Variants in WDR27 observed in about 807,000 individuals in gnomAD.
WDR27 encodes WD repeat-containing protein 27.
Under a neutral mutation model 114.4 loss-of-function variants are expected in WDR27, and 100 were observed. The observed-to-expected ratio is 0.87, with a 90% CI of 0.74 to 1.03. The LOEUF is 1.03. Among genes scored for constraint, WDR27 ranks in the 50% least tolerant of loss-of-function variants. WDR27 has a pLI of 0.00. For missense variants in WDR27, 1,129 were observed against 1,092.9 expected, an observed-to-expected ratio of 1.03 and a Z score of -0.47; for synonymous variants, 449 against 423.1, an observed-to-expected ratio of 1.06 and a Z score of -0.75.
downstream of WDR27, among the ~76,000 whole-genome samples, chr6:169,455,545 G>A (rs1435507796): frequency 6.6e-6 from 1 of 152,212 alleles, no homozygotes; most frequent in Non-Finnish European, 1.5e-5. Flanking sequence ...TAGAAAGGCA[G>A]ATCTCTAAGG....
Position 169,481,862 on chromosome 6 carries a change from T to C in WDR27, c.2646-24228A>G, listed in dbSNP as rs990521073. On this transcript the variant is annotated intron_variant, in intron 25 of 25. Coordinates refer to ENST00000448612, the MANE Select transcript of WDR27 (RefSeq NM_182552.5). Reference sequence around the variant, plus strand: ...GAAGGAAGAAACTCCAGACACACCATCTTTAAAAACTGTAACACTCACTGT... The same window carrying C: ...GAAGGAAGAAACTCCAGACACACCACCTTTAAAAACTGTAACACTCACTGT... Among the ~76,000 whole-genome samples the C allele has an allele frequency of 4.6e-5, 7 of 152,288 alleles. No individual in the cohort carries two copies. In the South Asian group the frequency reaches 1.5e-3, roughly 32 times the overall value.
rs569351467 is a variant in WDR27 at position 169,622,540 on chromosome 6, T to C, written c.2224-8884A>G. On this transcript the variant is annotated intron_variant, in intron 21 of 25. Transcript: ENST00000448612. ...CTCCATGGCCATTTCACTGAATGTT[T>C]ATAGAAAAAAACAGAACCACTTGGA... 3.9e-5 allele frequency among the ~76,000 whole-genome samples: 6 copies of C among 152,294 alleles called. No homozygotes were observed. The South Asian group carries it at 1.2e-3, about 32-fold the overall frequency.
At chr6:169,572,996 G>A (rs926701446) in intron 24 of WDR27, among the ~76,000 whole-genome samples, 2 of 147,032 alleles carry the variant, frequency 1.4e-5, no homozygotes, top group Admixed American at 6.8e-5. Flanking sequence ...TCAATGCGCC[G>A]CATACCAGCC....
intron 17 of WDR27, among the ~76,000 whole-genome samples, chr6:169,639,002 C>A (rs1046664358): frequency 6.7e-6 from 1 of 149,190 alleles, no homozygotes; most frequent in East Asian, 2.0e-4. Context: ...CTGGGTACTG[C>A]GTGGTGCTGG....
chr6:169,461,049 A>C (rs1784849302), intron 25 of WDR27, among the ~76,000 whole-genome samples: 1 of 152,218 alleles, frequency 6.6e-6, no homozygotes, highest in South Asian at 2.1e-4. Flanking sequence ...TTACAGATTA[A>C]TAAAAGCTAT....
intron 25 of WDR27, among the ~76,000 whole-genome samples, chr6:169,533,090 T>A (rs1795785904): frequency 6.6e-6 from 1 of 152,136 alleles, no homozygotes; most frequent in South Asian, 2.1e-4. Flanking sequence ...CAGAAAAGCC[T>A]GAGACCTGCT....
At position 169,640,602 on chromosome 6, in the gene WDR27, C is replaced by A. The variant is rs75600905; in HGVS notation, c.1748-1942G>T. ...TAGACACCACCCATGCCGCTTGTAC[C>A]GAACACCAGCGGTGTCCGCAGCTCT... On this transcript the variant is annotated intron_variant, in intron 17 of 25. Transcript: ENST00000448612. Among the ~76,000 whole-genome samples, 518 of 152,340 alleles carry A rather than the reference C, an allele frequency of 3.4e-3. 22 individuals are homozygous for A. In the East Asian group the frequency reaches 0.09, roughly 26 times the overall value.
chr6:169,601,504 T>C (rs1275784619), intron 23 of WDR27, among the ~76,000 whole-genome samples: 3 of 152,198 alleles, frequency 2.0e-5, no homozygotes, highest in Non-Finnish European at 2.9e-5. Flanking sequence ...AAAAACAGAA[T>C]GCTACAGATA....
intron 15 of WDR27, 28 bp downstream of exon 15, chr6:169,649,170 T>G: frequency 6.5e-7 from 1 of 1,546,530 alleles, no homozygotes; most frequent in East Asian, 2.4e-5. Flanking sequence ...ATTTCAAATG[T>G]ACTTGGAATG....
chr6:169,475,280 G>T (rs1786989059), intron 25 of WDR27, among the ~76,000 whole-genome samples: 1 of 152,178 alleles, frequency 6.6e-6, no homozygotes, highest in Non-Finnish European at 1.5e-5. Flanking sequence ...GAGTGCAGTG[G>T]CGCAATCCTG....
At chr6:169,502,074 C>T (rs542068007) in intron 25 of WDR27, among the ~76,000 whole-genome samples, 1 of 152,232 alleles carries the variant, frequency 6.6e-6, no homozygotes, top group Non-Finnish European at 1.5e-5. Context: ...CACCTCCCCC[C>T]AGGCTAGGGC....
At chr6:169,521,926 A>T (rs1367795024) in intron 25 of WDR27, among the ~76,000 whole-genome samples, 1 of 151,952 alleles carries the variant, frequency 6.6e-6, no homozygotes, top group Non-Finnish European at 1.5e-5. Context: ...AAGCAAAGAG[A>T]GGGGTTACAA....
intron 25 of WDR27, among the ~76,000 whole-genome samples, chr6:169,487,344 G>A (rs1023918109): frequency 6.6e-6 from 1 of 152,166 alleles, no homozygotes; most frequent in African/African-American, 2.4e-5. Flanking sequence ...GTCATTAATA[G>A]CACCAGAATC....
chr6:169,526,474 A>C (rs1233129666), intron 25 of WDR27, among the ~76,000 whole-genome samples: 1 of 151,994 alleles, frequency 6.6e-6, no homozygotes, highest in Admixed American at 6.6e-5. Flanking sequence ...TCAGCCAGGC[A>C]TGGTGGTGGG....
intron 18 of WDR27, among the ~76,000 whole-genome samples, chr6:169,638,055 G>A (rs1163670638): frequency 1.3e-5 from 1 of 79,644 alleles, no homozygotes; most frequent in Non-Finnish European, 2.4e-5. Flanking sequence ...GGTGGCTCAC[G>A]CCTGTAATCC....
chr6:169,663,053 T>C (rs1342637565), intron 8 of WDR27, among the ~76,000 whole-genome samples: 1 of 149,552 alleles, frequency 6.7e-6, no homozygotes, highest in African/African-American at 2.5e-5. Flanking sequence ...ATGATGTGTA[T>C]GCACCATGGA....
At chr6:169,572,050 C>A (rs1231238585) in intron 25 of WDR27, among the ~76,000 whole-genome samples, 1 of 151,914 alleles carries the variant, frequency 6.6e-6, no homozygotes, top group Non-Finnish European at 1.5e-5. Context: ...ATTTTCTAGG[C>A]CTAAGGTAAT....
chr6:169,432,592 A>G, the WDR27 span, among the ~76,000 whole-genome samples: 1 of 152,184 alleles, frequency 6.6e-6, no homozygotes. Flanking sequence ...CCTCATGACT[A>G]CCACCATGTA....
At position 169,659,373 on chromosome 6, in the gene WDR27, C is replaced by T. The variant is rs192401094; in HGVS notation, c.1197+78G>A. On this transcript the variant is annotated intron_variant, in intron 11 of 25. Transcript: ENST00000448612. This position sits in a 1 kb window ranked among gnomAD's most constrained non-coding sequence, Gnocchi z 4.3. Reference sequence around the variant, plus strand: ...ACAAAATCCCGTTTACTCAGCCAGTCGTTACAGGATCACTCTGAAGAAAGA... The same window carrying T: ...ACAAAATCCCGTTTACTCAGCCAGTTGTTACAGGATCACTCTGAAGAAAGA... 1,276 of 1,586,744 alleles carry T rather than the reference C, an allele frequency of 8.0e-4. 1 individual carries two copies. The highest frequency in any genetic ancestry group is 9.8e-4 in the Non-Finnish European group (1,136 of 1,161,162).
Sources: allele counts gnomAD v4.1 joint callset (sites outside exome capture counted in the v4.1 genomes callset), GRCh38; gene constraint gnomAD v4.1.1; non-coding constraint Gnocchi (gnomAD v3.1); transcripts MANE v1.5; gene names NCBI Gene and HGNC (gene_info 2026-07-23, HGNC 2026-07-21).